PTPRT: variants seen among roughly 807,000 people sequenced by gnomAD.
PTPRT encodes the protein protein tyrosine phosphatase receptor type T.
A neutral mutation model predicts 176.8 loss-of-function variants in PTPRT; 56 were observed. The observed-to-expected ratio is 0.32, with a 90% confidence interval of 0.26 to 0.40. PTPRT has a LOEUF of 0.40. PTPRT is among the 10% of genes least tolerant of loss of function. PTPRT has a pLI of 1.00. For missense variants in PTPRT, 1,540 were observed against 1,908.2 expected, an observed-to-expected ratio of 0.81 and a Z score of 3.60; for synonymous variants, 783 against 739.0, an observed-to-expected ratio of 1.06 and a Z score of -0.96.
At chr20:43,068,437 C>T (rs1036746732) in intron 1 of PTPRT, among the ~76,000 whole-genome samples, 11 of 142,498 alleles carry the variant, frequency 7.7e-5, no homozygotes, top group African/African-American at 2.4e-4. Flanking sequence ...ACCCGGGAGG[C>T]GGAGGTTGCA....
intron 1 of PTPRT, among the ~76,000 whole-genome samples, chr20:43,048,449 T>C (rs941389154): frequency 1.3e-5 from 2 of 151,986 alleles, no homozygotes; most frequent in Non-Finnish European, 2.9e-5. Flanking sequence ...ATCTTAGACA[T>C]GGCCCCATGG....
chr20:42,383,981 T>C (rs1481471522), intron 9 of PTPRT, among the ~76,000 whole-genome samples: 1 of 152,212 alleles, frequency 6.6e-6, no homozygotes, highest in Non-Finnish European at 1.5e-5. Flanking sequence ...AAGTAGGATA[T>C]GTGGGTAGAT....
At chr20:42,190,558 C>A (rs1228354293) in intron 16 of PTPRT, among the ~76,000 whole-genome samples, 1 of 152,162 alleles carries the variant, frequency 6.6e-6, no homozygotes, top group African/African-American at 2.4e-5. Context: ...GTCTGACAGT[C>A]CTGGGCATTA....
intron 7 of PTPRT, among the ~76,000 whole-genome samples, chr20:42,587,680 A>G (rs1006447989): frequency 2.6e-5 from 4 of 152,180 alleles, no homozygotes; most frequent in Non-Finnish European, 5.9e-5. Context: ...GCTGTGACTG[A>G]GCCCAGCTGG....
intron 2 of PTPRT, among the ~76,000 whole-genome samples, chr20:42,824,663 A>G (rs1206569795): frequency 2.0e-5 from 3 of 152,080 alleles, no homozygotes; most frequent in African/African-American, 7.2e-5. Flanking sequence ...TTGAACATGA[A>G]GAAGAATAAA....
chr20:42,645,577 T>C (rs191878142), intron 7 of PTPRT, among the ~76,000 whole-genome samples: 8 of 152,016 alleles, frequency 5.3e-5, no homozygotes, highest in Admixed American at 1.3e-4. Context: ...CATGGAGAGA[T>C]GGGTTTCCTA....
At chr20:42,759,205 C>G (rs2145416397) in intron 5 of PTPRT, among the ~76,000 whole-genome samples, 1 of 152,264 alleles carries the variant, frequency 6.6e-6, no homozygotes, top group Non-Finnish European at 1.5e-5. Flanking sequence ...GAGGCTTTGG[C>G]TCAATATTTT....
intron 7 of PTPRT, among the ~76,000 whole-genome samples, chr20:42,500,875 T>C (rs975810936): frequency 6.6e-6 from 1 of 152,222 alleles, no homozygotes; most frequent in Non-Finnish European, 1.5e-5. Context: ...GGTAATTACA[T>C]TAATGTATTT....
At chr20:42,722,313 C>T (rs1255742584) in intron 6 of PTPRT, among the ~76,000 whole-genome samples, 1 of 152,184 alleles carries the variant, frequency 6.6e-6, no homozygotes, top group Non-Finnish European at 1.5e-5. Flanking sequence ...CTGCCTCACA[C>T]CCACCTCCAA....
chr20:42,293,266 T>C (rs2057343804), intron 12 of PTPRT, among the ~76,000 whole-genome samples: 1 of 152,284 alleles, frequency 6.6e-6, no homozygotes, highest in South Asian at 2.1e-4. Flanking sequence ...TGGAACTCCC[T>C]TCAGTGAGAC....
In PTPRT at chr20:42,073,794, A is replaced by G. The variant is rs1305799553; in HGVS notation, c.*7085T>C. 8.9e-6 allele frequency: 2 copies of G among 223,592 alleles called. No individual in the cohort carries two copies. Among genetic ancestry groups the G allele is most frequent in the Non-Finnish European group, 1.8e-5 (2 of 112,008 alleles). The allele number at this position is 223,592 out of a possible 1,614,324, so 13.9% of individuals were successfully genotyped here. On this transcript the variant is annotated 3_prime_UTR_variant, in exon 31 of 31. Transcript: ENST00000373187. The stretch of plus-strand genomic sequence containing the variant: ...CACAATCTACTTGGATTCGTGCTCT[A>G]CAGGTATGAATGAGTTCAAACATGA...
intron 1 of PTPRT, among the ~76,000 whole-genome samples, chr20:43,083,343 T>TATATATATATACAC (rs1568774040): frequency 8.7e-6 from 1 of 115,324 alleles, no homozygotes; most frequent in Non-Finnish European, 1.8e-5. Context: ...TATATATATA[T>TATATATATATACAC]ATATATATAT....
intron 1 of PTPRT, among the ~76,000 whole-genome samples, chr20:43,082,758 C>T (rs908808750): frequency 1.3e-5 from 2 of 152,044 alleles, no homozygotes; most frequent in African/African-American, 4.8e-5. Context: ...AATTGACCCC[C>T]CCAAGTCTTG....
intron 5 of PTPRT, among the ~76,000 whole-genome samples, chr20:42,760,187 C>T (rs933082979): frequency 1.3e-5 from 2 of 152,140 alleles, no homozygotes; most frequent in African/African-American, 4.8e-5. Flanking sequence ...GAGGCTTTAG[C>T]AGCCGACATG....
At chr20:42,312,907 C>T (rs2057658010) in intron 12 of PTPRT, among the ~76,000 whole-genome samples, 1 of 149,820 alleles carries the variant, frequency 6.7e-6, no homozygotes, top group Non-Finnish European at 1.5e-5. Context: ...GCATTTGAAC[C>T]TGAGCAACTC....
intron 9 of PTPRT, among the ~76,000 whole-genome samples, chr20:42,370,027 T>G (rs1600906434): frequency 6.6e-6 from 1 of 151,094 alleles, no homozygotes. Flanking sequence ...TCCCCTCCTC[T>G]CTCTGTGTCC....
intron 20 of PTPRT, among the ~76,000 whole-genome samples, 170 bp from the exon 21 acceptor site, chr20:42,118,670 G>A (rs1184039662): frequency 6.6e-6 from 1 of 152,134 alleles, no homozygotes; most frequent in Non-Finnish European, 1.5e-5. Context: ...ATGTGAGCCT[G>A]ATGGGGACAG....
At chr20:42,975,753 C>T (rs6072917) in intron 1 of PTPRT, among the ~76,000 whole-genome samples, 7,403 of 152,050 alleles carry the variant, frequency 0.049, 419 homozygotes, top group African/African-American at 0.14. Flanking sequence ...CTAGCCGTTA[C>T]GTAGAAATCC....
chr20:42,917,861 T>C (rs943854601), intron 1 of PTPRT, among the ~76,000 whole-genome samples: 9 of 152,154 alleles, frequency 5.9e-5, no homozygotes, highest in Non-Finnish European at 1.0e-4. Context: ...AAAAGGAACT[T>C]CCGCTGCTGA....
Sources: gnomAD v4.1 joint callset for allele counts (sites outside exome capture counted in the v4.1 genomes callset) on GRCh38, gnomAD v4.1.1 for gene constraint, MANE v1.5 for transcripts, NCBI Gene and HGNC (gene_info 2026-07-23, HGNC 2026-07-21) for gene names.